SVEP1: variants seen among roughly 807,000 people sequenced by gnomAD.
SVEP1 encodes sushi, von Willebrand factor type A, EGF and pentraxin domain-containing protein 1.
A neutral mutation model predicts 367.3 loss-of-function variants in SVEP1; 164 were observed. The observed-to-expected ratio is 0.45, with a 90% confidence interval of 0.39 to 0.51. SVEP1 has a LOEUF of 0.51. SVEP1 is among the 20% of genes least tolerant of loss of function. The pLI is 0.00. For synonymous variants in SVEP1, 1,666 were observed against 1,611.6 expected, an observed-to-expected ratio of 1.03 and a Z score of -0.81; for missense variants, 4,117 against 4,425.3, an observed-to-expected ratio of 0.93 and a Z score of 1.98.
chr9:110,451,591 C>T (rs940830406), intron 22 of SVEP1, among the ~76,000 whole-genome samples, 189 bp from the exon 23 acceptor site: 4 of 152,136 alleles, frequency 2.6e-5, no homozygotes, highest in African/African-American at 7.2e-5. Flanking sequence ...TAGCAAGAAA[C>T]CTAACATATT....
chr9:110,457,376 A>C, intron 20 of SVEP1, 24 bp from the exon 21 acceptor site: 2 of 1,556,382 alleles, frequency 1.3e-6, no homozygotes, highest in East Asian at 2.2e-5. Flanking sequence ...AAAAAAATCA[A>C]TCAGAGACAA....
intron 5 of SVEP1, among the ~76,000 whole-genome samples, chr9:110,505,464 C>A (rs188332988): frequency 3.9e-5 from 6 of 152,102 alleles, no homozygotes; most frequent in African/African-American, 1.4e-4. Flanking sequence ...TTCAGTTAAT[C>A]CCCTCATATC....
At chr9:110,570,473 T>C (rs1830543119) in intron 1 of SVEP1, among the ~76,000 whole-genome samples, 1 of 150,184 alleles carries the variant, frequency 6.7e-6, no homozygotes, top group African/African-American at 2.4e-5. Flanking sequence ...GTTGCGTGTG[T>C]GTGTGTGTGT....
chr9:110,502,658 G>T (rs780006131), intron 6 of SVEP1, among the ~76,000 whole-genome samples: 2 of 152,162 alleles, frequency 1.3e-5, no homozygotes, highest in Non-Finnish European at 2.9e-5. Context: ...AAGATTCACT[G>T]GTTCCTAATT....
In SVEP1 at chr9:110,369,943, C is replaced by G; in HGVS notation, c.10674G>C (p.Trp3558Cys). 1 of 1,613,022 alleles carries G rather than the reference C, an allele frequency of 6.2e-7. No individual in the cohort carries two copies. Among genetic ancestry groups the G allele is most frequent in the Non-Finnish European group, 8.5e-7 (1 of 1,179,418 alleles). ...RPNRCHCLSSWTGHNCSRKRR... is the reference protein window; with the variant it reads ...RPNRCHCLSSCTGHNCSRKRR... ...CTTACCTGGAACAGTTATGTCCCGTCCAAGAAGAAAGACAGTGACATCGGT... is the reference window on the plus strand; with the variant it reads ...CTTACCTGGAACAGTTATGTCCCGTGCAAGAAGAAAGACAGTGACATCGGT... Residue 3558 changes from tryptophan (W) to cysteine (C), a missense_variant, in exon 47 of 48, where the codon TGG becomes TGC. Physicochemically the swap from Trp to Cys is radical, Grantham distance 215. Transcript: ENST00000374469.
At chr9:110,388,105 G>C (rs1827553783) in intron 41 of SVEP1, among the ~76,000 whole-genome samples, 1 of 152,100 alleles carries the variant, frequency 6.6e-6, no homozygotes, top group African/African-American at 2.4e-5. Flanking sequence ...CATACTGCTT[G>C]TAAGAAGAGA....
At chr9:110,463,588 G>A in intron 18 of SVEP1, among the ~76,000 whole-genome samples, 2 of 135,782 alleles carry the variant, frequency 1.5e-5, no homozygotes, top group African/African-American at 2.7e-5. Flanking sequence ...GAAAAAGGAA[G>A]GAAAGAAAGA....
At chr9:110,551,867 C>A (rs1051290008) in intron 1 of SVEP1, among the ~76,000 whole-genome samples, 1 of 151,976 alleles carries the variant, frequency 6.6e-6, no homozygotes, top group African/African-American at 2.4e-5. Context: ...TCTCTCCACA[C>A]CCCTAACTCT....
At chr9:110,479,207 C>T (rs191299479) in intron 13 of SVEP1, among the ~76,000 whole-genome samples, 221 of 151,852 alleles carry the variant, frequency 1.5e-3, no homozygotes, top group Non-Finnish European at 2.5e-3. Flanking sequence ...CGTGAGCCAC[C>T]GCGCCTGGTC....
intron 27 of SVEP1, among the ~76,000 whole-genome samples, chr9:110,440,077 T>C (rs1828490555): frequency 6.6e-6 from 1 of 152,034 alleles, no homozygotes; most frequent in Non-Finnish European, 1.5e-5. Flanking sequence ...ACACACTAAA[T>C]GAAATGAACA....
chr9:110,460,068 A>G (rs1828833812), intron 18 of SVEP1, among the ~76,000 whole-genome samples: 1 of 152,248 alleles, frequency 6.6e-6, no homozygotes, highest in East Asian at 1.9e-4. Context: ...ATAAGGTAAT[A>G]TATTTACCTA....
intron 3 of SVEP1, among the ~76,000 whole-genome samples, chr9:110,531,273 T>A (rs1830014625): frequency 6.6e-6 from 1 of 152,212 alleles, no homozygotes; most frequent in East Asian, 1.9e-4. Context: ...CTTCCATATT[T>A]TGACATTTGT....
intron 6 of SVEP1, among the ~76,000 whole-genome samples, chr9:110,501,771 ATTT>A (rs965897754): frequency 5.3e-5 from 8 of 152,102 alleles, no homozygotes; most frequent in Admixed American, 3.9e-4. Context: ...TAATGAATGA[ATTT>A]TTATCTTCTA....
intron 14 of SVEP1, among the ~76,000 whole-genome samples, chr9:110,473,447 C>T (rs561980642): frequency 1.1e-4 from 15 of 138,132 alleles, no homozygotes; most frequent in African/African-American, 3.8e-4. Context: ...TGCATACATA[C>T]ATATACATAC....
intron 43 of SVEP1, among the ~76,000 whole-genome samples, chr9:110,380,346 TA>T (rs1827415345): frequency 6.6e-6 from 1 of 152,186 alleles, no homozygotes; most frequent in African/African-American, 2.4e-5. Context: ...AGCCGGCGTC[TA>T]AAAGATCACT....
intron 1 of SVEP1, among the ~76,000 whole-genome samples, chr9:110,567,396 C>T (rs1830504838): frequency 6.6e-6 from 1 of 152,188 alleles, no homozygotes; most frequent in African/African-American, 2.4e-5. Context: ...AAGAACAATA[C>T]TGCTGTGACT....
intron 39 of SVEP1, among the ~76,000 whole-genome samples, chr9:110,403,372 T>C (rs368001184): frequency 1.3e-4 from 17 of 134,252 alleles, no homozygotes; most frequent in African/African-American, 4.4e-4. Flanking sequence ...TGGCGCAATC[T>C]CGGTTCACTG....
At chr9:110,562,202 G>T (rs1004125370) in intron 1 of SVEP1, among the ~76,000 whole-genome samples, 11 of 148,690 alleles carry the variant, frequency 7.4e-5, no homozygotes, top group Admixed American at 4.7e-4. Context: ...TGGAATAAAA[G>T]CACATAGGGA....
At chr9:110,422,791 T>TA (rs1295572056) in intron 36 of SVEP1, among the ~76,000 whole-genome samples, 1 of 101,612 alleles carries the variant, frequency 9.8e-6, no homozygotes, top group Non-Finnish European at 2.0e-5. Flanking sequence ...TATGCAGCCA[T>TA]AAAAAATGAT....
Sources: gnomAD v4.1 joint callset for allele counts (sites outside exome capture counted in the v4.1 genomes callset) on GRCh38, gnomAD v4.1.1 for gene constraint, MANE v1.5 for transcripts, NCBI Gene and HGNC (gene_info 2026-07-23, HGNC 2026-07-21) for gene names.